The following VPS13C variants were observed in gnomAD, a reference collection of about 807,000 sequenced individuals.
The protein encoded by VPS13C is vacuolar protein sorting 13 homolog C.
VPS13C carries 358 observed loss-of-function variants against 456.8 expected under a neutral mutation model. The ratio of observed to expected loss-of-function variants is 0.78; its 90% CI spans 0.72 to 0.86. The LOEUF (loss-of-function observed/expected upper bound fraction) is 0.86, where lower values mean the gene tolerates loss of function less well. VPS13C is among the 40% of genes least tolerant of loss of function. The probability of loss-of-function intolerance (pLI) is 0.00; values close to 1 mark genes in which losing one functional copy is unlikely to be tolerated. For missense variants in VPS13C, 4,818 were observed against 4,385.4 expected (o/e 1.10, Z -2.79); for synonymous variants, 1,578 against 1,486.7 (o/e 1.06, Z -1.41).
At chr15:61,897,494 G>A (rs557738918) in intron 66 of VPS13C, among the ~76,000 whole-genome samples, 30 of 152,282 alleles carry the variant, frequency 2.0e-4, no homozygotes, top group African/African-American at 7.0e-4. Flanking sequence ...CTGGAAGAAA[G>A]GGTATCAGCG....
At chr15:62,037,336 A>AAATG (rs2048075891) in intron 3 of VPS13C, among the ~76,000 whole-genome samples, 5 of 88,774 alleles carry the variant, frequency 5.6e-5, no homozygotes, top group African/African-American at 2.3e-4. Flanking sequence ...ATATACATTT[A>AAATG]TATATAATAT....
At position 61,867,654 on chromosome 15, in the gene VPS13C, A is replaced by G. The variant is rs1894688169; in HGVS notation, c.10863+1005T>C. On this transcript the variant is annotated intron_variant, in intron 81 of 84. Transcript: ENST00000644861. The surrounding 1 kb of genome is among the most constrained non-coding windows in gnomAD (Gnocchi z 5.0). ...GTAACAGTATCTGCTTCTGAGCTCA[A>G]TAAAGGCTTTCATCTATTAAACGCA... 1.6e-6 allele frequency: 2 copies of G among 1,227,570 alleles called. No individual in the cohort carries two copies. Among genetic ancestry groups the G allele is most frequent in the Non-Finnish European group, 2.0e-6 (2 of 981,554 alleles). 76.0% of individuals were successfully genotyped at this position (1,227,570 alleles called of 1,614,324 possible).
At chr15:62,014,681 G>T (rs765853591) in intron 9 of VPS13C, among the ~76,000 whole-genome samples, 2 of 152,132 alleles carry the variant, frequency 1.3e-5, no homozygotes, top group Non-Finnish European at 2.9e-5. Flanking sequence ...CAGACAATGT[G>T]CCAAAAGCTT....
rs1893700763 is a variant in VPS13C, at chr15:61,852,482, C to A, written c.*1975G>T. 1 of 152,164 alleles carries A rather than the reference C, an allele frequency of 6.6e-6. No homozygotes were observed. Among genetic ancestry groups the A allele is most frequent in the African/African-American group, 2.4e-5 (1 of 41,432 alleles). 9.4% of individuals were successfully genotyped at this position (152,164 alleles called of 1,614,324 possible). On this transcript the variant is annotated 3_prime_UTR_variant, in exon 85 of 85. Transcript: ENST00000644861. ...CATTTTTAAAAAACGCATTATTACA[C>A]TTTACCAATGAATTATTTCTGTCCC...
chr15:61,994,233 A>G (rs1041816016), intron 16 of VPS13C, among the ~76,000 whole-genome samples: 1 of 152,154 alleles, frequency 6.6e-6, no homozygotes, highest in South Asian at 2.1e-4. Context: ...TTCTTTGTCT[A>G]CTGCATCCCA....
chr15:61,925,727 G>A (rs957382426), intron 52 of VPS13C, among the ~76,000 whole-genome samples, 179 bp from the exon 53 acceptor site: 9 of 152,224 alleles, frequency 5.9e-5, no homozygotes, highest in African/African-American at 2.2e-4. Flanking sequence ...TCTGAACTAT[G>A]AGAAATCTGT....
rs367661211 is a variant in VPS13C, at chr15:61,982,532, C to T, written c.1956G>A (p.Lys652=). The T allele has an allele frequency of 6.6e-5, 107 of 1,609,470 alleles. No individual in the cohort carries two copies. Among genetic ancestry groups the T allele is most frequent in the Non-Finnish European group, 8.7e-5 (102 of 1,178,730 alleles). ...NAVVEFFQSN[K]GLDLEQITSA... ...ATGTTATTTGCTCAAGATCCAATCC[C>T]TTATTTGATTGAAAGAATTCAACCA... Residue 652 remains lysine (K), a synonymous_variant, in exon 21 of 85, where the codon AAG becomes AAA. Coordinates refer to ENST00000644861, the MANE Select transcript of VPS13C (RefSeq NM_020821.3).
rs1256762552 is a variant in VPS13C, at chr15:61,961,752, C to A, written c.3745G>T (p.Val1249Phe). 1 of 1,613,832 alleles carries A rather than the reference C, an allele frequency of 6.2e-7. No homozygotes were observed. Among genetic ancestry groups the A allele is most frequent in the African/African-American group, 1.3e-5 (1 of 74,868 alleles). Residue 1249 changes from valine (V) to phenylalanine (F), a missense_variant, in exon 35 of 85, where the codon GTT (valine) becomes TTT (phenylalanine). Transcript: ENST00000644861. ...VSINIDLKAP[V>F]IVIPQSSIST... ...ATAGAAGACTGTGGGATGACTATAACCGGTGCTTTCAAATCAATATTGATG... is the reference window on the plus strand; with the variant it reads ...ATAGAAGACTGTGGGATGACTATAAACGGTGCTTTCAAATCAATATTGATG...
intron 66 of VPS13C, among the ~76,000 whole-genome samples, chr15:61,892,792 A>C (rs2042691047): frequency 6.6e-6 from 1 of 152,186 alleles, no homozygotes; most frequent in Non-Finnish European, 1.5e-5. Context: ...ATTGAAACAG[A>C]CTGAAATAAT....
chr15:61,929,161 A>G (rs952866833), intron 51 of VPS13C, among the ~76,000 whole-genome samples: 3 of 152,126 alleles, frequency 2.0e-5, no homozygotes, highest in African/African-American at 7.2e-5. Context: ...TTGTTCTTCA[A>G]TGTGCTAGAA....
chr15:61,973,466 T>A lies in VPS13C; in HGVS notation c.2605A>T (p.Thr869Ser). The change falls in exon 26 of 85, where the codon ACT becomes TCT. Residue 869 changes from threonine (T) to serine (S), a missense_variant. Around this residue, in one of 3 missense-constraint regions of VPS13C, gnomAD observed 4,552 missense variants for 4,130.6 expected, o/e 1.10. Transcript: ENST00000644861. ...TTACTTTCCTTACCTGATTCCACAGTGTCTAGCAATAGTGAAGTACCAAGT... is the reference window on the plus strand; with the variant it reads ...TTACTTTCCTTACCTGATTCCACAGAGTCTAGCAATAGTGAAGTACCAAGT... The part of the protein sequence containing the change: ...GLLGTSLLLD[T>S]VESESDDEYF... 2.5e-6 allele frequency: 4 copies of A among 1,611,410 alleles called. No homozygotes were observed. Among genetic ancestry groups the A allele is most frequent in the Non-Finnish European group, 3.4e-6 (4 of 1,177,848 alleles).
chr15:61,977,194 T>C lies in VPS13C; in HGVS notation c.2296A>G (p.Thr766Ala), dbSNP rs1452940442. The C allele has an allele frequency of 3.2e-6, 5 of 1,539,674 alleles. No homozygotes were observed. The highest frequency in any genetic ancestry group is 4.8e-5 in the East Asian group (2 of 41,288). Residue 766 changes from threonine (T) to alanine (A), a missense_variant, in exon 24 of 85, where the codon ACC (threonine) becomes GCC (alanine). Transcript: ENST00000644861. ...VQLLFARAEE[T>A]WKKCRFQHPS... is the part of the protein sequence containing the mutation. ...TGCTGAAATCGACACTTTTTCCAGG[T>C]TTCCTCTTTAAAAAATAATTTAAGA...
chr15:61,977,042 A>G, intron 24 of VPS13C, 40 bp downstream of exon 24: 1 of 1,394,648 alleles, frequency 7.2e-7, no homozygotes, highest in South Asian at 1.2e-5. Flanking sequence ...GACATATTTC[A>G]CCTGTTGATT....
chr15:62,026,964 T>C (rs905135100), intron 6 of VPS13C, among the ~76,000 whole-genome samples: 1 of 152,094 alleles, frequency 6.6e-6, no homozygotes, highest in East Asian at 1.9e-4. Flanking sequence ...CTATTGCTTT[T>C]GCACCAGCAA....
chr15:61,915,562 A>G, intron 61 of VPS13C, 71 bp downstream of exon 61: 1 of 1,446,600 alleles, frequency 6.9e-7, no homozygotes, highest in Non-Finnish European at 9.2e-7. Flanking sequence ...GTTTTAGGGA[A>G]GACAAATGAC....
intron 22 of VPS13C, among the ~76,000 whole-genome samples, chr15:61,979,603 T>C (rs2045811921): frequency 6.6e-6 from 1 of 152,222 alleles, no homozygotes; most frequent in Admixed American, 6.5e-5. Context: ...AAGCCCACAG[T>C]GGCAGACCAC....
At chr15:61,918,292 G>C in intron 58 of VPS13C, 35 bp from the exon 59 acceptor site, 2 of 1,492,216 alleles carry the variant, frequency 1.3e-6, no homozygotes, top group Non-Finnish European at 1.8e-6. Context: ...TTTTTTAAAA[G>C]ATATGTAAGT....
chr15:62,044,334 T>C (rs1266729632), intron 1 of VPS13C, 79 bp from the exon 2 acceptor site: 1 of 861,658 alleles, frequency 1.2e-6, no homozygotes, highest in Non-Finnish European at 1.7e-6. Context: ...TACCAAGCAC[T>C]AAGAAACTGG....
intron 38 of VPS13C, 46 bp from the exon 39 acceptor site, chr15:61,952,026 C>A: frequency 6.3e-7 from 1 of 1,582,162 alleles, no homozygotes; most frequent in Non-Finnish European, 8.6e-7. Flanking sequence ...CACCAATATG[C>A]AATGAAGGTA....
Sources: allele counts gnomAD v4.1 joint callset (sites outside exome capture counted in the v4.1 genomes callset), GRCh38; gene constraint gnomAD v4.1.1; regional missense constraint gnomAD v4.1.1; non-coding constraint Gnocchi (gnomAD v3.1); transcripts MANE v1.5; gene names NCBI Gene and HGNC (gene_info 2026-07-23, HGNC 2026-07-21).